COL3A1: variants seen among roughly 807,000 people sequenced by gnomAD.
COL3A1 encodes collagen type III alpha 1 chain, also known as collagen alpha-1(III) chain.
In COL3A1, 46 loss-of-function variants were observed where a neutral mutation model predicts 200.9. That is an observed-to-expected ratio of 0.23 (90% CI 0.18 to 0.29). COL3A1 has a LOEUF of 0.29. Among genes scored for constraint, COL3A1 ranks in the 10% least tolerant of loss-of-function variants. The probability of loss-of-function intolerance (pLI) is 1.00; values close to 1 mark genes in which losing one functional copy is unlikely to be tolerated. For missense variants in COL3A1, 1,367 were observed against 1,917.6 expected, an observed-to-expected ratio of 0.71 and a Z score of 5.36; for synonymous variants, 650 against 628.0, an observed-to-expected ratio of 1.03 and a Z score of -0.52.
At chr2:188,978,995 G>GT (rs1018235910) in intron 1 of COL3A1, among the ~76,000 whole-genome samples, 12 of 151,792 alleles carry the variant, frequency 7.9e-5, no homozygotes, top group African/African-American at 2.7e-4. Flanking sequence ...TAAAACCCTT[G>GT]TTTTTTTCCA....
chr2:188,974,377 G>A lies in COL3A1; in HGVS notation c.-113G>A. ...CCAAAGCAAAGGAATCTCAGTGGCT[G>A]AGTTTTATGACGGGCCCGGTGCTGA... On this transcript the variant is annotated 5_prime_UTR_variant, in exon 1 of 51. Coordinates refer to ENST00000304636, the MANE Select transcript of COL3A1 (RefSeq NM_000090.4). 1 of 758,480 alleles carries A rather than the reference G, an allele frequency of 1.3e-6. No homozygotes were observed. The allele number at this position is 758,480 out of a possible 1,614,324, so 47.0% of individuals were successfully genotyped here.
Position 189,005,381 on chromosome 2 carries a change from T to A in COL3A1, c.2963T>A (p.Leu988His), listed in dbSNP as rs770525372. The A allele has an allele frequency of 4.3e-6, 7 of 1,614,168 alleles. No individual in the cohort carries two copies. The Admixed American group carries it at 1.2e-4, about 27-fold the overall frequency. ...GESGKPGANG[L>H]SGERGPPGPQ... ...AGTGGGAAACCAGGAGCTAACGGTC[T>A]CAGTGGAGAACGTGGTCCCCCTGGA... is the stretch of plus-strand genomic sequence containing the variant. The change falls in exon 41 of 51, where the codon CTC (leucine) becomes CAC (histidine). Residue 988 changes from leucine to histidine, a missense_variant. Leu to His is a moderately conservative substitution (Grantham distance 99). Transcript: ENST00000304636.
chr2:188,995,941 C>A, intron 22 of COL3A1, 151 bp downstream of exon 22: 1 of 926,340 alleles, frequency 1.1e-6, no homozygotes, highest in Non-Finnish European at 1.7e-6. Flanking sequence ...AAACTTAAGC[C>A]GAGATAGTTC....
rs189370014 is a variant in COL3A1 at position 188,976,787 on chromosome 2, A to G, written c.79+2219A>G. On this transcript the variant is annotated intron_variant, in intron 1 of 50. Transcript: ENST00000304636. ...TTAATTCATGTGTTTTAATCCACCAATGGAGAAACATAGTCTGTTTTATAT... is the reference window on the plus strand; with the variant it reads ...TTAATTCATGTGTTTTAATCCACCAGTGGAGAAACATAGTCTGTTTTATAT... Among the ~76,000 whole-genome samples the G allele has an allele frequency of 1.2e-3, 179 of 152,338 alleles. 1 individual carries two copies. Among genetic ancestry groups the G allele is most frequent in the African/African-American group, 3.9e-3 (163 of 41,588 alleles).
chr2:189,008,879 G>T, intron 47 of COL3A1, 45 bp from the exon 48 acceptor site: 3 of 1,582,794 alleles, frequency 1.9e-6, no homozygotes, highest in South Asian at 1.1e-5. Flanking sequence ...TTAGAGTGGC[G>T]ACTGAATGTG....
chr2:188,992,146 G>A, intron 13 of COL3A1, 38 bp from the exon 14 acceptor site: 2 of 1,609,842 alleles, frequency 1.2e-6, no homozygotes, highest in East Asian at 4.5e-5. Flanking sequence ...CAGCCATTCA[G>A]AATTAAAAGG....
rs13306268 is a variant in COL3A1, at chr2:188,995,931, A to G, written c.1608+141A>G. The G allele has an allele frequency of 0.042, 39,956 of 950,582 alleles. 2,735 individuals carry two copies. Among genetic ancestry groups the G allele is most frequent in the African/African-American group, 0.28 (16,483 of 59,872 alleles). The allele number at this position is 950,582 out of a possible 1,614,324, so 58.9% of individuals were successfully genotyped here. On this transcript the variant is annotated intron_variant, in intron 22 of 50. Coordinates refer to ENST00000304636, the MANE Select transcript of COL3A1 (RefSeq NM_000090.4). ...CAAACAAAACAAAATTCTTTTAAGT[A>G]AACTTAAGCCGAGATAGTTCAAGGA...
intron 36 of COL3A1, 121 bp downstream of exon 36, chr2:189,003,183 A>C: frequency 1.1e-6 from 1 of 875,928 alleles, no homozygotes. Flanking sequence ...GTTCTAATGG[A>C]AAAACATGGA....
chr2:188,996,099 C>G, intron 22 of COL3A1, 26 bp from the exon 23 acceptor site: 3 of 1,610,176 alleles, frequency 1.9e-6, no homozygotes, highest in Non-Finnish European at 1.7e-6. Context: ...TTTTAAATCA[C>G]CTAACAACTG....
chr2:189,008,229 T>C lies in COL3A1; in HGVS notation c.3525+87T>C, dbSNP rs556976881. On this transcript the variant is annotated intron_variant, in intron 47 of 50. Transcript: ENST00000304636. ...ACAGCGCATTATGTTTAAATTGAAA[T>C]AGAGAGACGCAATGCATCCACTCAA... 1.9e-4 allele frequency: 216 copies of C among 1,160,984 alleles called. 1 individual carries two copies. In the African/African-American group the frequency reaches 3.0e-3, roughly 16 times the overall value. The allele number at this position is 1,160,984 out of a possible 1,614,324, so 71.9% of individuals were successfully genotyped here.
intron 4 of COL3A1, 33 bp downstream of exon 4, chr2:188,985,811 C>T (rs1251548073): frequency 2.1e-6 from 3 of 1,408,056 alleles, no homozygotes; most frequent in Non-Finnish European, 3.0e-6. Flanking sequence ...AAAATTCCCT[C>T]ATAAAACTAT....
At chr2:188,978,030 G>A (rs1180887159) in intron 1 of COL3A1, 1 of 378,236 alleles carries the variant, frequency 2.6e-6, no homozygotes, top group Non-Finnish European at 5.2e-6. Flanking sequence ...TTTTTTTCTA[G>A]GGAAAGAAAA....
In COL3A1 at chr2:188,984,755, T is replaced by A; in HGVS notation, c.80-5T>A. ...AAACTTCACGTCATCTAACTTGTTT[T>A]TCAGCTGTTGAAGGAGGATGTTCCC... is the stretch of plus-strand genomic sequence containing the variant. On this transcript the variant is annotated splice_polypyrimidine_tract_variant and splice_region_variant and intron_variant, in intron 1 of 50. Transcript: ENST00000304636. 1 of 1,612,814 alleles carries A rather than the reference T, an allele frequency of 6.2e-7. No individual in the cohort carries two copies. The highest frequency in any genetic ancestry group is 8.5e-7 in the Non-Finnish European group (1 of 1,179,088).
At chr2:188,979,053 A>G (rs1687892484) in intron 1 of COL3A1, among the ~76,000 whole-genome samples, 1 of 151,994 alleles carries the variant, frequency 6.6e-6, no homozygotes, top group African/African-American at 2.4e-5. Flanking sequence ...TAATGAACAA[A>G]ATGAAACGTT....
At chr2:188,991,275 T>C (rs1427035891) in intron 11 of COL3A1, among the ~76,000 whole-genome samples, 1 of 152,176 alleles carries the variant, frequency 6.6e-6, no homozygotes, top group Non-Finnish European at 1.5e-5. Context: ...AGCATCTTAG[T>C]ATAACTTATC....
chr2:188,988,018 A>C, intron 5 of COL3A1, 63 bp from the exon 6 acceptor site: 1 of 1,252,936 alleles, frequency 8.0e-7, no homozygotes, highest in Non-Finnish European at 1.2e-6. Flanking sequence ...CATTGCTTTG[A>C]AGCATGGATA....
In COL3A1 at chr2:188,988,063, T is replaced by C; in HGVS notation, c.529-18T>C. On this transcript the variant is annotated intron_variant, in intron 5 of 50. Transcript: ENST00000304636. ...TTGCATTCATTTATTTTGTTTTTCA[T>C]TCAAATTCACATTCCAGGGCCCCCC... 1 of 1,598,754 alleles carries C rather than the reference T, an allele frequency of 6.3e-7. No individual in the cohort carries two copies. The highest frequency in any genetic ancestry group is 8.6e-7 in the Non-Finnish European group (1 of 1,166,338).
intron 13 of COL3A1, 29 bp from the exon 14 acceptor site, chr2:188,992,155 G>A: frequency 6.2e-7 from 1 of 1,612,674 alleles, no homozygotes; most frequent in Non-Finnish European, 8.5e-7. Flanking sequence ...AGAATTAAAA[G>A]GATATTTGAT....
Position 188,987,670 on chromosome 2 carries a change from A to G in COL3A1, c.529-411A>G, listed in dbSNP as rs78352804. On this transcript the variant is annotated intron_variant, in intron 5 of 50. Transcript: ENST00000304636. The stretch of plus-strand genomic sequence containing the variant: ...GGGTTGATTTACATTATTATTTTAG[A>G]TACTTGATTATAGGATTTCTAGTGT... 3.3e-3 allele frequency among the ~76,000 whole-genome samples: 501 copies of G among 152,196 alleles called. 4 individuals carry two copies. The highest frequency in any genetic ancestry group is 0.011 in the African/African-American group (462 of 41,562).
Sources: allele counts gnomAD v4.1 joint callset (sites outside exome capture counted in the v4.1 genomes callset), GRCh38; gene constraint gnomAD v4.1.1; transcripts MANE v1.5; gene names NCBI Gene and HGNC (gene_info 2026-07-23, HGNC 2026-07-21).